Variants in WWC1 observed in about 807,000 individuals in gnomAD.
The protein encoded by WWC1 is protein KIBRA.
A neutral mutation model predicts 138.4 loss-of-function variants in WWC1; 55 were observed. That is an observed-to-expected ratio of 0.40 (90% CI 0.32 to 0.50). The LOEUF (loss-of-function observed/expected upper bound fraction) is 0.50. Among genes scored for constraint, WWC1 ranks in the 20% least tolerant of loss-of-function variants. The pLI is 0.72. For missense variants in WWC1, 1,226 were observed against 1,420.4 expected (o/e 0.86, Z 2.20); for synonymous variants, 524 against 564.9 (o/e 0.93, Z 1.03).
intron 1 of WWC1, among the ~76,000 whole-genome samples, chr5:168,337,911 T>C (rs968805136): frequency 6.6e-6 from 1 of 151,860 alleles, no homozygotes; most frequent in Non-Finnish European, 1.5e-5. Flanking sequence ...GTGCTAGGGA[T>C]GAGGAGAGAA....
At chr5:168,461,682 G>C (rs10040284) in intron 20 of WWC1, among the ~76,000 whole-genome samples, 47,783 of 152,116 alleles carry the variant, frequency 0.31, 8,759 homozygotes, top group Middle Eastern at 0.44. Flanking sequence ...GGGCCCTCCC[G>C]ACTTTGGGCT....
chr5:168,399,686 A>G (rs1779167217), intron 5 of WWC1, 119 bp downstream of exon 5: 2 of 991,616 alleles, frequency 2.0e-6, no homozygotes, highest in Middle Eastern at 2.1e-4. Flanking sequence ...TGGCTCTCTC[A>G]TCATTCAATT....
chr5:168,431,556 G>T (rs1781946403), intron 15 of WWC1, 112 bp downstream of exon 15: 1 of 1,242,424 alleles, frequency 8.0e-7, no homozygotes, highest in Non-Finnish European at 1.1e-6. Context: ...TCAGGAAGAA[G>T]GTTCGAAGGA....
At chr5:168,457,140 A>ATTTTTT (rs34063177) in intron 19 of WWC1, among the ~76,000 whole-genome samples, 17 of 119,490 alleles carry the variant, frequency 1.4e-4, no homozygotes, top group African/African-American at 4.5e-4. Flanking sequence ...TAGAAAGGGC[A>ATTTTTT]TTTTTTTTTT....
intron 10 of WWC1, among the ~76,000 whole-genome samples, chr5:168,422,503 G>C (rs1781169238): frequency 6.6e-6 from 1 of 152,206 alleles, no homozygotes; most frequent in South Asian, 2.1e-4. Flanking sequence ...TGTGGTCCCA[G>C]CTACTCAGGA....
chr5:168,442,635 G>C (rs1448043382), intron 16 of WWC1, among the ~76,000 whole-genome samples: 1 of 151,684 alleles, frequency 6.6e-6, no homozygotes, highest in Non-Finnish European at 1.5e-5. Flanking sequence ...TCAGGAGTTT[G>C]AGACCACCCT....
intron 1 of WWC1, among the ~76,000 whole-genome samples, chr5:168,310,363 T>C (rs960027082): frequency 2.0e-5 from 3 of 151,346 alleles, no homozygotes; most frequent in Admixed American, 1.3e-4. Flanking sequence ...CTGAATATAT[T>C]ATATATAATT....
chr5:168,385,456 G>A (rs368286797), intron 3 of WWC1, 42 bp downstream of exon 3: 375 of 1,592,286 alleles, frequency 2.4e-4, no homozygotes, highest in Non-Finnish European at 2.9e-4. Context: ...GACACCAACA[G>A]AGAATGGCCA....
chr5:168,446,620 T>C (rs939348625), intron 17 of WWC1, among the ~76,000 whole-genome samples: 4 of 152,238 alleles, frequency 2.6e-5, no homozygotes, highest in Admixed American at 6.5e-5. Flanking sequence ...AAGCAGAATG[T>C]GACGAGCACC....
Position 168,441,772 on chromosome 5 carries a change from A to C in WWC1, c.2371A>C (p.Lys791Gln). Reference sequence around the variant, plus strand: ...CCTTCTCAGCTACAAATACTTGAAGAAACAGAGCAGGGAGCTCAAGCCAGT... The same window carrying C: ...CCTTCTCAGCTACAAATACTTGAAGCAACAGAGCAGGGAGCTCAAGCCAGT... ...YNLLSYKYLK[K>Q]QSRELKPVGV... Residue 791 changes from lysine to glutamine, a missense_variant, in exon 16 of 23, where the codon AAA (lysine) becomes CAA (glutamine). By Grantham distance (53) the Lys-to-Gln change is moderately conservative. Coordinates refer to ENST00000265293, the MANE Select transcript of WWC1 (RefSeq NM_015238.3). The C allele has an allele frequency of 1.2e-6, 2 of 1,614,200 alleles. No individual in the cohort carries two copies. The highest frequency in any genetic ancestry group is 1.7e-6 in the Non-Finnish European group (2 of 1,180,022).
intron 11 of WWC1, among the ~76,000 whole-genome samples, chr5:168,424,705 G>A (rs989731658): frequency 2.6e-5 from 4 of 152,174 alleles, no homozygotes; most frequent in Admixed American, 2.6e-4. Flanking sequence ...AGAGGTAGGG[G>A]GTTACCAGTG....
intron 1 of WWC1, among the ~76,000 whole-genome samples, chr5:168,302,969 G>A (rs1770228998): frequency 6.6e-6 from 1 of 152,196 alleles, no homozygotes; most frequent in African/African-American, 2.4e-5. Flanking sequence ...ATCTGGATGG[G>A]GCCCAAGAAT....
chr5:168,341,036 C>T (rs61064947), intron 1 of WWC1, among the ~76,000 whole-genome samples: 18,970 of 152,102 alleles, frequency 0.12, 1,905 homozygotes, highest in East Asian at 0.43. Context: ...GCTACTGTGC[C>T]AGGAGCCAGA....
Position 168,379,597 on chromosome 5 carries a change from G to A in WWC1, c.230-5614G>A, listed in dbSNP as rs959191360. Among the ~76,000 whole-genome samples the A allele has an allele frequency of 2.0e-5, 3 of 151,840 alleles. No individual in the cohort carries two copies. In the South Asian group the frequency reaches 6.2e-4, roughly 32 times the overall value. The stretch of plus-strand genomic sequence containing the variant: ...GTATTTTTAATAGAGATGGGGTTTC[G>A]CCATGTTGGTCAGGCTGGTCTTGAA... On this transcript the variant is annotated intron_variant, in intron 2 of 22. Transcript: ENST00000265293.
At chr5:168,397,448 T>G (rs1778985342) in intron 3 of WWC1, among the ~76,000 whole-genome samples, 1 of 152,150 alleles carries the variant, frequency 6.6e-6, no homozygotes, top group Non-Finnish European at 1.5e-5. Context: ...TGGCCCCAAA[T>G]TTAAATTATT....
At chr5:168,359,033 G>GGTGTGTGTGTGT (rs58992917) in intron 1 of WWC1, among the ~76,000 whole-genome samples, 277 of 148,276 alleles carry the variant, frequency 1.9e-3, no homozygotes, top group African/African-American at 6.2e-3. Flanking sequence ...GTGGTGGTGG[G>GGTGTGTGTGTGT]GTGTGTGTGT....
At chr5:168,424,428 G>A (rs573063840) in intron 11 of WWC1, among the ~76,000 whole-genome samples, 310 of 152,270 alleles carry the variant, frequency 2.0e-3, no homozygotes, top group African/African-American at 7.1e-3. Context: ...AGACAGACAG[G>A]GTCCCTGTTC....
rs1554093892 is a variant in WWC1, at chr5:168,339,908, TC to T, written c.120-31515del. Among the ~76,000 whole-genome samples the T allele has an allele frequency of 7.5e-4, 15 of 20,120 alleles. 1 individual carries two copies. In the East Asian group the frequency reaches 8.5e-3, roughly 11 times the overall value. The allele number at this position is 20,120 out of a possible 152,430, so 13.2% of individuals were successfully genotyped here. A position where few individuals can be genotyped will look rare whatever the true frequency, so the allele number is the denominator to read the frequency against. The stretch of plus-strand genomic sequence containing the variant: ...CCCTCTCTCTCTGTCTCTCTCTCTT[TC>T]TCTCTCTCTCTCTCTTTCTCTCTTT... On this transcript the variant is annotated intron_variant, in intron 1 of 22. Coordinates refer to ENST00000265293, the MANE Select transcript of WWC1 (RefSeq NM_015238.3).
intron 16 of WWC1, among the ~76,000 whole-genome samples, chr5:168,443,711 T>C (rs544232181): frequency 6.6e-6 from 1 of 152,228 alleles, no homozygotes; most frequent in Non-Finnish European, 1.5e-5. Context: ...AGGCCTTCAG[T>C]TGATTTTAGT....
Sources: allele counts gnomAD v4.1 joint callset (sites outside exome capture counted in the v4.1 genomes callset), GRCh38; gene constraint gnomAD v4.1.1; transcripts MANE v1.5; gene names NCBI Gene and HGNC (gene_info 2026-07-23, HGNC 2026-07-21).